The following MARCHF3 variants were observed in gnomAD, a reference collection of about 807,000 sequenced individuals.
MARCHF3 encodes the protein E3 ubiquitin-protein ligase MARCHF3.
A neutral mutation model predicts 24.2 loss-of-function variants in MARCHF3; 13 were observed. The ratio of observed to expected loss-of-function variants is 0.54; its 90% CI spans 0.35 to 0.85. The LOEUF (loss-of-function observed/expected upper bound fraction) is 0.85, where lower values mean the gene tolerates loss of function less well. Among genes scored for constraint, MARCHF3 ranks in the 40% least tolerant of loss-of-function variants. The probability of loss-of-function intolerance (pLI) is 0.01; values close to 1 mark genes in which losing one functional copy is unlikely to be tolerated. For synonymous variants in MARCHF3, 144 were observed against 137.3 expected, an observed-to-expected ratio of 1.05 and a Z score of -0.34; for missense variants, 276 against 325.0, an observed-to-expected ratio of 0.85 and a Z score of 1.16.
chr5:127,020,848 CAAAT>C (rs1015504970), intron 1 of MARCHF3, among the ~76,000 whole-genome samples: 4 of 150,786 alleles, frequency 2.7e-5, no homozygotes, highest in African/African-American at 2.4e-5. Flanking sequence ...GACCTTGTCT[CAAAT>C]AAATAAATAA....
At chr5:126,932,350 C>A (rs2126804409) in intron 1 of MARCHF3, among the ~76,000 whole-genome samples, 1 of 152,348 alleles carries the variant, frequency 6.6e-6, no homozygotes, top group Middle Eastern at 3.4e-3. Context: ...AAGGTGACTT[C>A]CTCGCAGTCA....
intron 1 of MARCHF3, among the ~76,000 whole-genome samples, chr5:127,009,444 T>C (rs1245705798): frequency 6.6e-6 from 1 of 152,252 alleles, no homozygotes; most frequent in Non-Finnish European, 1.5e-5. Context: ...GGATTATTTG[T>C]GTCTCATTTA....
chr5:126,985,626 G>C (rs113077423), intron 1 of MARCHF3, among the ~76,000 whole-genome samples: 7,798 of 151,794 alleles, frequency 0.051, 370 homozygotes, highest in South Asian at 0.14. Flanking sequence ...CCGCCACCAC[G>C]CCTGGCTAAT....
chr5:126,895,439 G>T (rs1156353563), intron 3 of MARCHF3, among the ~76,000 whole-genome samples: 28 of 152,116 alleles, frequency 1.8e-4, no homozygotes, highest in African/African-American at 4.8e-4. Context: ...CCATCTTTGT[G>T]GTTTTATCTA....
intron 4 of MARCHF3, 73 bp from the exon 5 acceptor site, chr5:126,870,864 AAT>A: frequency 6.4e-7 from 1 of 1,572,378 alleles, no homozygotes; most frequent in Non-Finnish European, 8.7e-7. Flanking sequence ...ACAAGAAACA[AAT>A]ATGTCATTTG....
intron 3 of MARCHF3, among the ~76,000 whole-genome samples, chr5:126,883,401 G>A (rs1172883563): frequency 6.6e-6 from 1 of 152,174 alleles, no homozygotes; most frequent in African/African-American, 2.4e-5. Flanking sequence ...GCAGTGAGCT[G>A]CCTATTTTTC....
chr5:126,892,885 T>C (rs945669214), intron 3 of MARCHF3, among the ~76,000 whole-genome samples: 1 of 151,692 alleles, frequency 6.6e-6, no homozygotes, highest in African/African-American at 2.4e-5. Flanking sequence ...TCCTTGTACC[T>C]CTGGTAGAAT....
At chr5:127,000,694 T>TTTTA (rs1554072123) in intron 1 of MARCHF3, among the ~76,000 whole-genome samples, 6 of 152,066 alleles carry the variant, frequency 3.9e-5, no homozygotes, top group African/African-American at 7.2e-5. Flanking sequence ...TTATTTTTAT[T>TTTTA]TTTATTTATT....
chr5:126,979,506 G>A (rs1027112684), intron 1 of MARCHF3, among the ~76,000 whole-genome samples: 1 of 152,184 alleles, frequency 6.6e-6, no homozygotes, highest in Non-Finnish European at 1.5e-5. Flanking sequence ...CTGAATGATG[G>A]TTAACACTTT....
At chr5:126,999,269 G>A (rs1752046345) in intron 1 of MARCHF3, among the ~76,000 whole-genome samples, 1 of 152,116 alleles carries the variant, frequency 6.6e-6, no homozygotes, top group Non-Finnish European at 1.5e-5. Context: ...TTTCCAGATG[G>A]CAGACTTTTT....
intron 1 of MARCHF3, among the ~76,000 whole-genome samples, chr5:126,947,359 T>G (rs1365763442): frequency 1.3e-5 from 2 of 152,184 alleles, no homozygotes; most frequent in African/African-American, 4.8e-5. Context: ...TCTTAAACCC[T>G]TGATTCCACT....
At chr5:126,932,234 C>T (rs1042244395) in intron 1 of MARCHF3, among the ~76,000 whole-genome samples, 1 of 152,230 alleles carries the variant, frequency 6.6e-6, no homozygotes, top group African/African-American at 2.4e-5. Flanking sequence ...AGGAATCAGA[C>T]ACATGGCTGT....
At chr5:126,990,482 C>A (rs1751715349) in intron 1 of MARCHF3, among the ~76,000 whole-genome samples, 1 of 152,124 alleles carries the variant, frequency 6.6e-6, no homozygotes, top group African/African-American at 2.4e-5. Context: ...AGGATATAGG[C>A]ATGGGCAAGG....
intron 1 of MARCHF3, among the ~76,000 whole-genome samples, chr5:126,954,267 T>A (rs1161370821): frequency 6.7e-6 from 1 of 149,742 alleles, no homozygotes; most frequent in Non-Finnish European, 1.5e-5. Context: ...GCCAGGATGG[T>A]CTTGATCTCC....
intron 1 of MARCHF3, among the ~76,000 whole-genome samples, chr5:126,959,829 C>A (rs75400263): frequency 0.016 from 2,398 of 152,206 alleles, 65 homozygotes; most frequent in South Asian, 0.12. Flanking sequence ...AACTCAGTAA[C>A]TAATAGACAG....
rs899369804 is a variant in MARCHF3 at position 126,952,085 on chromosome 5, G to A, written c.-56-33858C>T. ...TGGTCTCGAACTCCTGACCACAGGT[G>A]ATCTGATCACCTTGGCCTCCCAAAG... On this transcript the variant is annotated intron_variant, in intron 1 of 4. Transcript: ENST00000308660. Among the ~76,000 whole-genome samples, 95 of 152,158 alleles carry A rather than the reference G, an allele frequency of 6.2e-4. 2 individuals carry two copies. The highest frequency in any genetic ancestry group is 6.1e-3 in the Admixed American group (93 of 15,276).
chr5:126,927,416 AGGGAAC>A (rs1472484158), intron 1 of MARCHF3, among the ~76,000 whole-genome samples: 18 of 152,158 alleles, frequency 1.2e-4, no homozygotes, highest in African/African-American at 3.9e-4. Flanking sequence ...GAACCTCTTT[AGGGAAC>A]CTCTTTAGGG....
At chr5:126,939,253 T>A (rs1749748318) in intron 1 of MARCHF3, among the ~76,000 whole-genome samples, 1 of 152,172 alleles carries the variant, frequency 6.6e-6, no homozygotes, top group Non-Finnish European at 1.5e-5. Context: ...ATGAAAAGGT[T>A]AGGCTCAACA....
intron 1 of MARCHF3, among the ~76,000 whole-genome samples, chr5:126,963,541 A>G (rs1561449258): frequency 6.6e-6 from 1 of 152,308 alleles, no homozygotes; most frequent in Non-Finnish European, 1.5e-5. Context: ...CATCTTCTGC[A>G]TGACGTAAGA....
Sources: gnomAD v4.1 joint callset for allele counts (sites outside exome capture counted in the v4.1 genomes callset) on GRCh38, gnomAD v4.1.1 for gene constraint, MANE v1.5 for transcripts, NCBI Gene and HGNC (gene_info 2026-07-23, HGNC 2026-07-21) for gene names.